The following MYH3 variants were observed in gnomAD, a reference collection of about 807,000 sequenced individuals.
The protein encoded by MYH3 is myosin-3.
In MYH3, 130 loss-of-function variants were observed where a neutral mutation model predicts 238.0. The observed-to-expected ratio is 0.55, with a 90% CI of 0.47 to 0.63. The LOEUF is 0.63. MYH3 is among the 30% of genes least tolerant of loss of function. The pLI is 0.00. For missense variants in MYH3, 1,853 were observed against 2,374.9 expected (o/e 0.78, Z 4.57); for synonymous variants, 880 against 924.1 (o/e 0.95, Z 0.86).
Position 10,645,347 on chromosome 17 carries a change from A to C in MYH3, c.1141+360T>G, listed in dbSNP as rs577795208. On this transcript the variant is annotated intron_variant, in intron 12 of 40. Transcript: ENST00000583535. Reference sequence around the variant, plus strand: ...CTCGGGAGGCTGAGGCAGGAGAATCACTTGAACCCAGGCAGCAGAGGTTGC... The same window carrying C: ...CTCGGGAGGCTGAGGCAGGAGAATCCCTTGAACCCAGGCAGCAGAGGTTGC... Among the ~76,000 whole-genome samples, 20 of 151,918 alleles carry C rather than the reference A, an allele frequency of 1.3e-4. No individual in the cohort carries two copies. The East Asian group carries it at 3.8e-3, about 29-fold the overall frequency.
At chr17:10,636,515 CTT>C (rs1278969049) in intron 28 of MYH3, among the ~76,000 whole-genome samples, 1 of 152,046 alleles carries the variant, frequency 6.6e-6, no homozygotes, top group Non-Finnish European at 1.5e-5. Context: ...TAGTTAGACT[CTT>C]GGGGGAATAG....
intron 34 of MYH3, 87 bp from the exon 35 acceptor site, chr17:10,632,103 T>A (rs1020626965): frequency 4.6e-5 from 66 of 1,423,460 alleles, no homozygotes; most frequent in Non-Finnish European, 6.1e-5. Context: ...TGTTTGTTTG[T>A]TTGTTTGTTT....
chr17:10,631,763 A>T, intron 35 of MYH3, 27 bp from the exon 36 acceptor site: 1 of 1,614,080 alleles, frequency 6.2e-7, no homozygotes, highest in Non-Finnish European at 8.5e-7. Context: ...GCTGTTAACC[A>T]GGTGCGTATG....
upstream of MYH3, among the ~76,000 whole-genome samples, chr17:10,658,142 C>T (rs750982534): frequency 5.9e-5 from 9 of 151,988 alleles, no homozygotes; most frequent in Non-Finnish European, 8.8e-5. Context: ...AGAGAAAGGG[C>T]GGACAAGGGG....
chr17:10,674,020 C>G, the MYH3 span: 3 of 152,188 alleles, frequency 2.0e-5, no homozygotes, highest in African/African-American at 7.2e-5. Context: ...TCTTTCTTGA[C>G]TTTTTCCCCT....
In MYH3 at chr17:10,628,668, G is replaced by A. The variant is rs1338489195; in HGVS notation, c.5808C>T (p.His1936=). 1.9e-6 allele frequency: 3 copies of A among 1,614,020 alleles called. No homozygotes were observed. Among genetic ancestry groups the A allele is most frequent in the Non-Finnish European group, 2.5e-6 (3 of 1,180,014 alleles). Reference sequence around the variant, plus strand: ...AAGGGCTGGCTCACTCTTCACTCTCGTGGACCACCATCTAGGAAGAAAGTA... The same window carrying A: ...AAGGGCTGGCTCACTCTTCACTCTCATGGACCACCATCTAGGAAGAAAGTA... ...RDFTSSRMVV[H]ESEE The change falls in exon 41 of 41, where the codon CAC becomes CAT. Residue 1936 remains histidine, a synonymous_variant. Transcript: ENST00000583535.
intron 29 of MYH3, 83 bp downstream of exon 29, chr17:10,635,652 C>A: frequency 6.2e-7 from 1 of 1,613,534 alleles, no homozygotes. Flanking sequence ...TCACCACCTT[C>A]TGAATGAAGT....
At position 10,642,660 on chromosome 17, in the gene MYH3, A is replaced by T; in HGVS notation, c.1645T>A (p.Phe549Ile). The change falls in exon 16 of 41, where the codon TTC becomes ATC. Residue 549 changes from phenylalanine to isoleucine, a missense_variant. Phe to Ile is a conservative substitution (Grantham distance 21). Transcript: ENST00000583535. The surrounding 1 kb of genome is among the most constrained non-coding windows in gnomAD (Gnocchi z 5.4). The part of the protein sequence containing the change: ...CMFPKATDTS[F>I]KNKLYDQHLG... ...TGCTGGTCATACAGCTTGTTCTTGA[A>T]GGAGGTGTCTGTTGCCTTGGGGAAC... 6.2e-7 allele frequency: 1 copy of T among 1,614,250 alleles called. No individual in the cohort carries two copies. Among genetic ancestry groups the T allele is most frequent in the Non-Finnish European group, 8.5e-7 (1 of 1,180,052 alleles).
At chr17:10,651,026 A>G (rs1157732088) in intron 5 of MYH3, among the ~76,000 whole-genome samples, 1 of 152,038 alleles carries the variant, frequency 6.6e-6, no homozygotes, top group African/African-American at 2.4e-5. Flanking sequence ...TCTCTATTAA[A>G]AATATAAAAA....
upstream of MYH3, among the ~76,000 whole-genome samples, chr17:10,661,358 T>A (rs541820210): frequency 1.3e-5 from 2 of 150,898 alleles, no homozygotes; most frequent in African/African-American, 4.9e-5. Flanking sequence ...GAGAGTCTCT[T>A]GCTGCTTCAA....
At chr17:10,632,098 G>A (rs558059946) in intron 34 of MYH3, 82 bp from the exon 35 acceptor site, 1 of 1,458,614 alleles carries the variant, frequency 6.9e-7, no homozygotes, top group East Asian at 2.4e-5. Context: ...AGTTTTGTTT[G>A]TTTGTTTGTT....
At chr17:10,659,608 C>T (rs1257830160), upstream of MYH3, among the ~76,000 whole-genome samples, 3 of 152,184 alleles carry the variant, frequency 2.0e-5, no homozygotes, top group Non-Finnish European at 4.4e-5. Flanking sequence ...AAGAGGCATT[C>T]GTCTGTAGGG....
upstream of MYH3, among the ~76,000 whole-genome samples, chr17:10,657,666 A>G (rs994523425): frequency 3.9e-5 from 6 of 152,200 alleles, no homozygotes; most frequent in Non-Finnish European, 8.8e-5. Flanking sequence ...GCTATTGGGC[A>G]CCAAGGACTG....
At chr17:10,647,501 T>C (rs988056115) in intron 8 of MYH3, 75 bp from the exon 9 acceptor site, 5 of 1,502,494 alleles carry the variant, frequency 3.3e-6, no homozygotes, top group African/African-American at 1.4e-5. Context: ...TATGGGTAAT[T>C]TGAGTAGGAG....
In MYH3 at chr17:10,645,734, C is replaced by T; in HGVS notation, c.1114G>A (p.Glu372Lys). ...TCTGTGCCATCCGGCTCGGCCTGCT[C>T]CTCTCGCTGCTTCTGCTTGAACTTC... ...NMKFKQKQREEQAEPDGTEVA... is the reference protein window; with the variant it reads ...NMKFKQKQREKQAEPDGTEVA... Residue 372 changes from glutamate to lysine, a missense_variant, in exon 12 of 41, where the codon GAG becomes AAG. Glu to Lys is a moderately conservative substitution (Grantham distance 56). Coordinates refer to ENST00000583535, the MANE Select transcript of MYH3 (RefSeq NM_002470.4). 1.2e-6 allele frequency: 2 copies of T among 1,613,334 alleles called. No homozygotes were observed. The highest frequency in any genetic ancestry group is 8.5e-7 in the Non-Finnish European group (1 of 1,180,000).
In MYH3 at chr17:10,642,876, A is replaced by G; in HGVS notation, c.1531T>C (p.Phe511Leu). Residue 511 changes from phenylalanine (F) to leucine (L), a missense_variant, in exon 15 of 41, where the codon TTC becomes CTC. By Grantham distance (22) the Phe-to-Leu change is conservative. Transcript: ENST00000583535. This position sits in a 1 kb window ranked among gnomAD's most constrained non-coding sequence, Gnocchi z 5.4. ...GCCAGGTCCATCCCGAAGTCAATGAACGTCCACTCGATGCCTTCCTTCTTG... is the reference window on the plus strand; with the variant it reads ...GCCAGGTCCATCCCGAAGTCAATGAGCGTCCACTCGATGCCTTCCTTCTTG... ...EYKKEGIEWT[F>L]IDFGMDLAAC... 1 of 1,614,198 alleles carries G rather than the reference A, an allele frequency of 6.2e-7. No homozygotes were observed. Among genetic ancestry groups the G allele is most frequent in the Non-Finnish European group, 8.5e-7 (1 of 1,180,034 alleles).
chr17:10,643,764 G>A (rs907466611), intron 14 of MYH3, among the ~76,000 whole-genome samples: 1 of 152,162 alleles, frequency 6.6e-6, no homozygotes. Context: ...TCTATTTGAT[G>A]GCAGTCCCTA....
rs745600258 is a variant in MYH3, at chr17:10,651,531, G to T, written c.486C>A (p.Ala162=). ...ACTCACCAGTCAGCATGAACTGATA[G>T]GCGTTGTCAGAGATGGAGAAGATGT... ...PPHIFSISDN[A]YQFMLTDREN... The change falls in exon 5 of 41, where the codon GCC becomes GCA. Residue 162 remains alanine, a synonymous_variant. Transcript: ENST00000583535. 7 of 1,613,672 alleles carry T rather than the reference G, an allele frequency of 4.3e-6. No homozygotes were observed. The Admixed American group carries it at 1.2e-4, about 27-fold the overall frequency.
the MYH3 span, among the ~76,000 whole-genome samples, chr17:10,668,957 T>C: frequency 1.3e-5 from 2 of 152,354 alleles, no homozygotes; most frequent in South Asian, 4.1e-4. Flanking sequence ...AATCACTGTG[T>C]ATATTACAAA....
Sources: gnomAD v4.1 joint callset for allele counts (sites outside exome capture counted in the v4.1 genomes callset) on GRCh38, gnomAD v4.1.1 for gene constraint, Gnocchi (gnomAD v3.1) non-coding constraint, MANE v1.5 for transcripts, NCBI Gene and HGNC (gene_info 2026-07-23, HGNC 2026-07-21) for gene names.